The following DPP6 variants were observed in gnomAD, a reference collection of about 807,000 sequenced individuals.
The protein encoded by DPP6 is A-type potassium channel modulatory protein DPP6.
DPP6 carries 69 observed loss-of-function variants against 122.6 expected under a neutral mutation model. The observed-to-expected ratio is 0.56, with a 90% CI of 0.46 to 0.69. The LOEUF (loss-of-function observed/expected upper bound fraction) is 0.69, where lower values mean the gene tolerates loss of function less well. DPP6 is among the 30% of genes least tolerant of loss of function. DPP6 has a pLI of 0.00. For synonymous variants in DPP6, 418 were observed against 433.1 expected (o/e 0.97, Z 0.43); for missense variants, 928 against 1,116.9 (o/e 0.83, Z 2.41).
At chr7:154,180,453 TATA>T (rs1430913471) in intron 1 of DPP6, among the ~76,000 whole-genome samples, 1 of 144,774 alleles carries the variant, frequency 6.9e-6, no homozygotes, top group Non-Finnish European at 1.5e-5. Context: ...ATTTATATAT[TATA>T]TATAGATATA....
At chr7:154,222,180 A>G (rs1039379268) in intron 1 of DPP6, among the ~76,000 whole-genome samples, 1 of 152,100 alleles carries the variant, frequency 6.6e-6, no homozygotes, top group African/African-American at 2.4e-5. Context: ...CTTTGCTCCT[A>G]ATCTGTTACC....
chr7:154,171,975 C>T lies in DPP6; in HGVS notation c.243+118912C>T, dbSNP rs1161536960. ...TAACGTTATGAAACAGTATTACTCT[C>T]CTGTTACAGATGTACACACTGGGAT... is the stretch of plus-strand genomic sequence containing the variant. On this transcript the variant is annotated intron_variant, in intron 1 of 25. Transcript: ENST00000377770. Among the ~76,000 whole-genome samples the T allele has an allele frequency of 2.6e-5, 4 of 152,264 alleles. No individual in the cohort carries two copies. In the East Asian group the frequency reaches 7.7e-4, roughly 29 times the overall value.
At chr7:153,795,888 G>T in the DPP6 span, among the ~76,000 whole-genome samples, 2 of 149,806 alleles carry the variant, frequency 1.3e-5, no homozygotes, top group Non-Finnish European at 1.5e-5. Context: ...TTATTTAAAG[G>T]GGTATAATTT....
chr7:154,879,417 A>G (rs1805163983), intron 20 of DPP6, among the ~76,000 whole-genome samples: 1 of 41,852 alleles, frequency 2.4e-5, no homozygotes, highest in South Asian at 4.6e-4. Context: ...CGTCTCTACT[A>G]AAAAAAAAAA....
intron 1 of DPP6, among the ~76,000 whole-genome samples, chr7:154,077,324 G>T (rs1359506221): frequency 2.0e-5 from 3 of 152,198 alleles, no homozygotes; most frequent in African/African-American, 7.2e-5. Context: ...GAAGAAGCCA[G>T]CGTCCACCTC....
chr7:153,905,784 G>T lies in DPP6; in HGVS notation c.51+18050G>T, dbSNP rs143285197. ...AGGTGTAAGGATGTGCTCTTGAGAT[G>T]CTGGGAACAAGGAAGTCCGTGGGAG... On this transcript the variant is annotated intron_variant, in intron 1 of 25. Transcript: ENST00000404039. Among the ~76,000 whole-genome samples, 748 of 152,320 alleles carry T rather than the reference G, an allele frequency of 4.9e-3. 11 individuals are homozygous for T. Among genetic ancestry groups the T allele is most frequent in the African/African-American group, 0.017 (702 of 41,576 alleles).
At position 154,728,741 on chromosome 7, in the gene DPP6, C is replaced by T. The variant is rs531899896; in HGVS notation, c.883+854C>T. Among the ~76,000 whole-genome samples the T allele has an allele frequency of 3.3e-5, 5 of 152,330 alleles. No homozygotes were observed. The East Asian group carries it at 9.6e-4, about 29-fold the overall frequency. On this transcript the variant is annotated intron_variant, in intron 8 of 25. Transcript: ENST00000377770. ...ATCAGGGTGCTGGCAGACCCACTGT[C>T]TGGTGAGGGCTCTCCTCCTCACTTG...
At chr7:153,919,200 A>C (rs1411867097) in intron 1 of DPP6, among the ~76,000 whole-genome samples, 2 of 152,116 alleles carry the variant, frequency 1.3e-5, no homozygotes, top group African/African-American at 4.8e-5. Context: ...CAGATGGAGA[A>C]TTTGCTACCT....
intron 17 of DPP6, among the ~76,000 whole-genome samples, chr7:154,858,813 C>T (rs1803060630): frequency 6.6e-6 from 1 of 152,172 alleles, no homozygotes; most frequent in African/African-American, 2.4e-5. Context: ...CCCTTAGCCC[C>T]CAGGCAGCAG....
At chr7:154,712,508 TG>T (rs1476206069) in intron 7 of DPP6, among the ~76,000 whole-genome samples, 1 of 152,130 alleles carries the variant, frequency 6.6e-6, no homozygotes, top group Non-Finnish European at 1.5e-5. Flanking sequence ...TACCCAAGAC[TG>T]GGTAATTTAT....
At chr7:154,709,659 G>A (rs192922370) in intron 7 of DPP6, among the ~76,000 whole-genome samples, 123 of 146,484 alleles carry the variant, frequency 8.4e-4, no homozygotes, top group African/African-American at 3.0e-3. Context: ...TTGCTGTGCT[G>A]TTTTCCAGCT....
At chr7:154,435,788 C>A (rs1208079808) in intron 1 of DPP6, among the ~76,000 whole-genome samples, 2 of 152,092 alleles carry the variant, frequency 1.3e-5, no homozygotes, top group Non-Finnish European at 2.9e-5. Flanking sequence ...GTAAATGGTC[C>A]ATGATACATA....
rs200065085 is a variant in DPP6, at chr7:153,938,553, G to A, written c.51+50819G>A. 3.3e-5 allele frequency among the ~76,000 whole-genome samples: 5 copies of A among 152,304 alleles called. No individual in the cohort carries two copies. In the South Asian group the frequency reaches 1.0e-3, roughly 32 times the overall value. ...AGAGCCTAATGGATGAGTTGAGAAA[G>A]AAAACAGCCGAGTCAAGATTGCTAA... On this transcript the variant is annotated intron_variant, in intron 1 of 25. Transcript: ENST00000404039.
intron 1 of DPP6, among the ~76,000 whole-genome samples, chr7:154,081,642 G>C (rs145026553): frequency 0.42 from 60,363 of 145,312 alleles, 13,065 homozygotes; most frequent in South Asian, 0.56. Flanking sequence ...ATGTGGGTAG[G>C]AGAGAAAATC....
At chr7:154,855,975 G>A (rs1802798785) in intron 17 of DPP6, among the ~76,000 whole-genome samples, 1 of 152,180 alleles carries the variant, frequency 6.6e-6, no homozygotes, top group Non-Finnish European at 1.5e-5. Context: ...GGAGCTCACA[G>A]CATTGCAGCC....
upstream of DPP6, among the ~76,000 whole-genome samples, chr7:153,882,464 A>G (rs372951355): frequency 3.3e-5 from 5 of 152,264 alleles, no homozygotes; most frequent in African/African-American, 1.2e-4. Flanking sequence ...AAGCAACAAG[A>G]AAATAACACT....
chr7:154,276,758 T>A (rs1804165624), intron 1 of DPP6, among the ~76,000 whole-genome samples: 1 of 152,222 alleles, frequency 6.6e-6, no homozygotes, highest in South Asian at 2.1e-4. Flanking sequence ...GTTAGGTTCC[T>A]TCAAGCCTCG....
intron 1 of DPP6, among the ~76,000 whole-genome samples, chr7:154,202,142 C>T (rs916481930): frequency 6.6e-6 from 1 of 152,152 alleles, no homozygotes; most frequent in Non-Finnish European, 1.5e-5. Flanking sequence ...ATAAAATGCT[C>T]ATGCATTTCC....
At chr7:154,120,346 G>A (rs1261480062) in intron 1 of DPP6, among the ~76,000 whole-genome samples, 3 of 151,604 alleles carry the variant, frequency 2.0e-5, no homozygotes, top group Non-Finnish European at 4.4e-5. Flanking sequence ...ATGGGTTCAC[G>A]CCATTCTCCT....
Sources: allele counts gnomAD v4.1 joint callset (sites outside exome capture counted in the v4.1 genomes callset), GRCh38; gene constraint gnomAD v4.1.1; transcripts MANE v1.5; gene names NCBI Gene and HGNC (gene_info 2026-07-23, HGNC 2026-07-21).